Variants in CCBE1 observed in about 807,000 individuals in gnomAD.
The protein encoded by CCBE1 is collagen and calcium binding EGF domains 1, also known as collagen and calcium-binding EGF domain-containing protein 1.
In CCBE1, 37 loss-of-function variants were observed where a neutral mutation model predicts 50.0. The ratio of observed to expected loss-of-function variants is 0.74; its 90% confidence interval spans 0.57 to 0.97. The LOEUF (loss-of-function observed/expected upper bound fraction) is 0.97. CCBE1 is among the 50% of genes least tolerant of loss of function. CCBE1 has a pLI of 0.00. For missense variants in CCBE1, 538 were observed against 523.8 expected (o/e 1.03, Z -0.26); for synonymous variants, 234 against 203.7 (o/e 1.15, Z -1.27).
intron 5 of CCBE1, among the ~76,000 whole-genome samples, chr18:59,460,519 T>G (rs1911410291): frequency 6.6e-6 from 1 of 152,244 alleles, no homozygotes; most frequent in African/African-American, 2.4e-5. Flanking sequence ...GCCTGTGACA[T>G]TTCTTATTGC....
At position 59,603,457 on chromosome 18, in the gene CCBE1, C is replaced by T. The variant is rs561650204; in HGVS notation, c.212+93172G>A. Among the ~76,000 whole-genome samples the T allele has an allele frequency of 5.3e-5, 8 of 152,328 alleles. No individual in the cohort carries two copies. In the South Asian group the frequency reaches 1.7e-3, roughly 32 times the overall value. On this transcript the variant is annotated intron_variant, in intron 2 of 10. Transcript: ENST00000439986. ...TTAAAGATAAAGATGGCTCATCTCT[C>T]TGTAAAACATCTGATTTAAATATAG...
intron 2 of CCBE1, among the ~76,000 whole-genome samples, chr18:59,634,773 T>C (rs1318942736): frequency 6.6e-6 from 1 of 152,126 alleles, no homozygotes; most frequent in East Asian, 1.9e-4. Context: ...TTTCTACATA[T>C]GCAAAATACA....
chr18:59,498,533 T>C (rs1598953988), intron 2 of CCBE1, among the ~76,000 whole-genome samples: 1 of 152,212 alleles, frequency 6.6e-6, no homozygotes, highest in East Asian at 1.9e-4. Flanking sequence ...AGTGAATTAT[T>C]TACTGGTAAC....
Position 59,443,417 on chromosome 18 carries a change from C to T in CCBE1, c.776-3601G>A, listed in dbSNP as rs570130179. On this transcript the variant is annotated intron_variant, in intron 7 of 10. Transcript: ENST00000439986. ...GGGATGAGGGAAGAGAGAGTGGGGG[C>T]CTGACAAGCATTTTTAAAAACTTGT... 2.6e-5 allele frequency among the ~76,000 whole-genome samples: 4 copies of T among 151,996 alleles called. No individual in the cohort carries two copies. In the South Asian group the frequency reaches 8.3e-4, roughly 32 times the overall value.
At chr18:59,663,151 T>C (rs1341932938) in intron 2 of CCBE1, among the ~76,000 whole-genome samples, 1 of 152,198 alleles carries the variant, frequency 6.6e-6, no homozygotes, top group Non-Finnish European at 1.5e-5. Flanking sequence ...TTTCTTACTA[T>C]CATGGAGCAA....
At chr18:59,495,479 C>G (rs186777696) in intron 2 of CCBE1, among the ~76,000 whole-genome samples, 151 of 150,072 alleles carry the variant, frequency 1.0e-3, no homozygotes, top group African/African-American at 3.5e-3. Flanking sequence ...AGTTTGTTGG[C>G]ATCCTTGACA....
chr18:59,531,589 A>T (rs1432993650), intron 2 of CCBE1, among the ~76,000 whole-genome samples: 1 of 152,146 alleles, frequency 6.6e-6, no homozygotes, highest in Non-Finnish European at 1.5e-5. Flanking sequence ...CTCTACAAAA[A>T]ATTTAAAAAT....
chr18:59,653,193 AAG>A (rs1326079697), intron 2 of CCBE1, among the ~76,000 whole-genome samples: 2 of 152,132 alleles, frequency 1.3e-5, no homozygotes, highest in Admixed American at 6.5e-5. Context: ...CCTCTCCAAG[AAG>A]GACATTGTCC....
chr18:59,668,274 C>T (rs928138886), intron 2 of CCBE1, among the ~76,000 whole-genome samples: 7 of 152,050 alleles, frequency 4.6e-5, no homozygotes, highest in Admixed American at 1.3e-4. Context: ...AAAAATTAGC[C>T]GGGCATAGTG....
At chr18:59,653,059 T>C (rs971631973) in intron 2 of CCBE1, among the ~76,000 whole-genome samples, 2 of 152,234 alleles carry the variant, frequency 1.3e-5, no homozygotes, top group Admixed American at 1.3e-4. Context: ...GGCAGTGGCA[T>C]TGGACCGTTC....
intron 2 of CCBE1, among the ~76,000 whole-genome samples, chr18:59,596,747 C>T (rs768444514): frequency 6.6e-6 from 1 of 152,226 alleles, no homozygotes. Context: ...AAAGGCTTGA[C>T]TGTGACCCGA....
chr18:59,660,853 G>T (rs1271697429), intron 2 of CCBE1, among the ~76,000 whole-genome samples: 2 of 151,420 alleles, frequency 1.3e-5, no homozygotes, highest in Non-Finnish European at 3.0e-5. Flanking sequence ...GTGGCCAAAA[G>T]GTCAACCACA....
At chr18:59,689,948 C>T (rs1350669406) in intron 2 of CCBE1, among the ~76,000 whole-genome samples, 1 of 152,138 alleles carries the variant, frequency 6.6e-6, no homozygotes, top group Non-Finnish European at 1.5e-5. Flanking sequence ...TGAAAGGACA[C>T]AGCTGGGCTA....
upstream of CCBE1, chr18:59,697,580 C>T (rs2054830159): frequency 5.5e-6 from 3 of 544,304 alleles, no homozygotes; most frequent in South Asian, 6.9e-5. Context: ...GGGGTACCTG[C>T]GGTGTCCGGC....
At chr18:59,553,776 T>C (rs1424648297) in intron 2 of CCBE1, among the ~76,000 whole-genome samples, 2 of 152,346 alleles carry the variant, frequency 1.3e-5, no homozygotes, top group Admixed American at 6.5e-5. Flanking sequence ...GATTCCAAAG[T>C]GTTCCTCCAA....
chr18:59,542,579 C>T (rs1223418582), intron 2 of CCBE1, among the ~76,000 whole-genome samples: 3 of 152,126 alleles, frequency 2.0e-5, no homozygotes, highest in South Asian at 2.1e-4. Context: ...TGTTCTATTG[C>T]ACCATATGCA....
intron 2 of CCBE1, among the ~76,000 whole-genome samples, chr18:59,608,074 C>T (rs954983287): frequency 5.9e-5 from 9 of 152,104 alleles, no homozygotes; most frequent in Non-Finnish European, 1.3e-4. Context: ...GAGCTGAGAT[C>T]GTGCCACTGC....
At chr18:59,589,656 G>A (rs933844942) in intron 2 of CCBE1, among the ~76,000 whole-genome samples, 17 of 151,976 alleles carry the variant, frequency 1.1e-4, no homozygotes, top group African/African-American at 3.1e-4. Flanking sequence ...AAAATTAGCC[G>A]GGTGTGGTGG....
chr18:59,524,974 C>T (rs1367620437), intron 2 of CCBE1, among the ~76,000 whole-genome samples: 1 of 152,200 alleles, frequency 6.6e-6, no homozygotes, highest in Non-Finnish European at 1.5e-5. Context: ...ATATGTACCA[C>T]ATTTTCTTCA....
Sources: allele counts gnomAD v4.1 joint callset (sites outside exome capture counted in the v4.1 genomes callset), GRCh38; gene constraint gnomAD v4.1.1; transcripts MANE v1.5; gene names NCBI Gene and HGNC (gene_info 2026-07-23, HGNC 2026-07-21).